TLN2: variants seen among roughly 807,000 people sequenced by gnomAD.
The protein encoded by TLN2 is talin-2.
In TLN2, 118 loss-of-function variants were observed where a neutral mutation model predicts 294.7. That is an observed-to-expected ratio of 0.40 (90% CI 0.34 to 0.47). TLN2 has a LOEUF of 0.47. TLN2 is among the 20% of genes least tolerant of loss of function. TLN2 has a pLI of 0.84. For synonymous variants in TLN2, 1,431 were observed against 1,304.5 expected, an observed-to-expected ratio of 1.10 and a Z score of -2.09; for missense variants, 3,083 against 3,282.2, an observed-to-expected ratio of 0.94 and a Z score of 1.48.
chr15:62,696,957 T>C (rs1205404108), intron 14 of TLN2, among the ~76,000 whole-genome samples: 1 of 152,216 alleles, frequency 6.6e-6, no homozygotes, highest in Non-Finnish European at 1.5e-5. Context: ...AAATGATCTG[T>C]ATCTCTGATG....
intron 1 of TLN2, among the ~76,000 whole-genome samples, chr15:62,530,616 A>C (rs919668915): frequency 3.9e-5 from 6 of 152,192 alleles, no homozygotes; most frequent in African/African-American, 1.4e-4. Flanking sequence ...TGGCCTCCCA[A>C]AGTGCTGGGA....
chr15:62,789,793 G>A (rs1331081289), intron 45 of TLN2, among the ~76,000 whole-genome samples: 1 of 152,224 alleles, frequency 6.6e-6, no homozygotes, highest in African/African-American at 2.4e-5. Context: ...TTCATGCCAT[G>A]TTCTTCAAAA....
At chr15:62,510,578 G>C (rs1006462157) in intron 1 of TLN2, among the ~76,000 whole-genome samples, 1 of 152,152 alleles carries the variant, frequency 6.6e-6, no homozygotes, top group Non-Finnish European at 1.5e-5. Context: ...GTAAGTTATG[G>C]GTATTGTAAT....
At chr15:62,610,573 C>G (rs116404873) in intron 2 of TLN2, among the ~76,000 whole-genome samples, 2,078 of 152,270 alleles carry the variant, frequency 0.014, 46 homozygotes, top group African/African-American at 0.048. Flanking sequence ...CCATTTTAAA[C>G]AGCACAATCA....
chr15:62,427,112 C>T (rs1232414473), intron 1 of TLN2, among the ~76,000 whole-genome samples: 1 of 152,122 alleles, frequency 6.6e-6, no homozygotes, highest in African/African-American at 2.4e-5. Flanking sequence ...GGTTATTGGC[C>T]TGGGTACTTC....
chr15:62,398,886 G>T (rs1047692801), intron 1 of TLN2, among the ~76,000 whole-genome samples: 2 of 152,134 alleles, frequency 1.3e-5, no homozygotes, highest in Admixed American at 1.3e-4. Context: ...GCCAGCTGCA[G>T]AAATTTGCAT....
intron 12 of TLN2, among the ~76,000 whole-genome samples, chr15:62,689,382 A>T (rs2057580843): frequency 6.6e-6 from 1 of 152,176 alleles, no homozygotes; most frequent in Non-Finnish European, 1.5e-5. Context: ...AGATGGTGTT[A>T]CAGCTTCTGC....
intron 32 of TLN2, among the ~76,000 whole-genome samples, chr15:62,742,932 TATTC>T (rs773908019): frequency 2.0e-5 from 3 of 152,214 alleles, no homozygotes; most frequent in Non-Finnish European, 2.9e-5. Flanking sequence ...TTCATTGTCT[TATTC>T]ATTCATGTCT....
At chr15:62,832,152 G>C (rs1441103693) in intron 54 of TLN2, 3 of 139,684 alleles carry the variant, frequency 2.1e-5, no homozygotes, top group African/African-American at 8.0e-5. Flanking sequence ...GTATGTAGAA[G>C]TGCCTAACAA....
chr15:62,748,570 C>T lies in TLN2; in HGVS notation c.4119+126C>T, dbSNP rs150977898. 1,009 of 770,526 alleles carry T rather than the reference C, an allele frequency of 1.3e-3. 6 individuals are homozygous for T. In the African/African-American group the frequency reaches 0.015, roughly 12 times the overall value. The allele number at this position is 770,526 out of a possible 1,614,324, so 47.7% of individuals were successfully genotyped here. On this transcript the variant is annotated intron_variant, in intron 33 of 58. Coordinates refer to ENST00000636159, the MANE Select transcript of TLN2 (RefSeq NM_015059.3). The stretch of plus-strand genomic sequence containing the variant: ...TAGGGCTAGTTTTCTCTTCTCTGTC[C>T]TTGCCTTTTATCTTTCCTTGGAGGC...
chr15:62,806,195 TA>T (rs79475833), intron 51 of TLN2, among the ~76,000 whole-genome samples: 68 of 147,844 alleles, frequency 4.6e-4, no homozygotes, highest in South Asian at 2.4e-3. Context: ...CCTGTCCGTT[TA>T]AAAAAAAAAA....
intron 1 of TLN2, among the ~76,000 whole-genome samples, chr15:62,397,752 T>C (rs2032674563): frequency 6.6e-6 from 1 of 152,196 alleles, no homozygotes; most frequent in South Asian, 2.1e-4. Flanking sequence ...TTATTGGGCC[T>C]GAGTTTCAGA....
rs144031648 is a variant in TLN2 at position 62,435,792 on chromosome 15, T to G, written c.-238+45107T>G. Among the ~76,000 whole-genome samples, 562 of 152,298 alleles carry G rather than the reference T, an allele frequency of 3.7e-3. 3 individuals carry two copies. Among genetic ancestry groups the G allele is most frequent in the African/African-American group, 0.012 (516 of 41,580 alleles). ...CCTGACCTCAGGTGATCCACCCTCC[T>G]TGGCCTCCCAAAATGCTAGGATTAC... is the stretch of plus-strand genomic sequence containing the variant. On this transcript the variant is annotated intron_variant, in intron 1 of 58. Coordinates refer to ENST00000636159, the MANE Select transcript of TLN2 (RefSeq NM_015059.3).
intron 1 of TLN2, among the ~76,000 whole-genome samples, chr15:62,488,895 G>A (rs2038553373): frequency 6.6e-6 from 1 of 152,220 alleles, no homozygotes; most frequent in Non-Finnish European, 1.5e-5. Flanking sequence ...AGGCGCAGTG[G>A]CTCACGCCTG....
chr15:62,712,993 A>G (rs2059520174), intron 22 of TLN2, among the ~76,000 whole-genome samples: 1 of 152,016 alleles, frequency 6.6e-6, no homozygotes, highest in Non-Finnish European at 1.5e-5. Context: ...AAGGCCAGGC[A>G]CGGTGGCTCA....
chr15:62,659,468 T>C (rs1343458038), intron 9 of TLN2, among the ~76,000 whole-genome samples: 2 of 152,216 alleles, frequency 1.3e-5, no homozygotes, highest in Admixed American at 6.5e-5. Context: ...TGAATGTTAC[T>C]GTACAGCTGA....
intron 1 of TLN2, among the ~76,000 whole-genome samples, chr15:62,425,176 C>T (rs2034639124): frequency 6.6e-6 from 1 of 152,156 alleles, no homozygotes; most frequent in Non-Finnish European, 1.5e-5. Flanking sequence ...TGGTCTCGAA[C>T]TCCTGGCTTC....
intron 43 of TLN2, among the ~76,000 whole-genome samples, chr15:62,779,883 A>C (rs2064004551): frequency 6.6e-6 from 1 of 152,270 alleles, no homozygotes; most frequent in Admixed American, 6.5e-5. Context: ...CGCATAGGCC[A>C]CAGTGATGCC....
At chr15:62,830,376 C>T (rs780788987) in intron 54 of TLN2, 1 of 152,632 alleles carries the variant, frequency 6.6e-6, no homozygotes, top group African/African-American at 2.4e-5. Context: ...TCTTCTTAGT[C>T]TCCCCAGTCT....
Sources: allele counts gnomAD v4.1 joint callset (sites outside exome capture counted in the v4.1 genomes callset), GRCh38; gene constraint gnomAD v4.1.1; transcripts MANE v1.5; gene names NCBI Gene and HGNC (gene_info 2026-07-23, HGNC 2026-07-21).